KCTD16: variants seen among roughly 807,000 people sequenced by gnomAD.
KCTD16 encodes BTB/POZ domain-containing protein KCTD16.
KCTD16 carries 13 observed loss-of-function variants against 33.2 expected under a neutral mutation model. The observed-to-expected ratio is 0.39, with a 90% CI of 0.25 to 0.62. KCTD16 has a LOEUF of 0.62. Ranked by LOEUF, KCTD16 falls within the 20% of genes least tolerant of loss-of-function variation. The pLI, the probability that KCTD16 is intolerant of heterozygous loss-of-function variation, is 0.50. For synonymous variants in KCTD16, 197 were observed against 195.3 expected (o/e 1.01, Z -0.07); for missense variants, 441 against 525.1 (o/e 0.84, Z 1.57).
chr5:144,247,425 C>T (rs1246457797), intron 3 of KCTD16, among the ~76,000 whole-genome samples: 1 of 152,154 alleles, frequency 6.6e-6, no homozygotes, highest in African/African-American at 2.4e-5. Context: ...GCATTAGCTG[C>T]CAGTTGTGTG....
At chr5:144,188,807 C>A (rs1399107961) in intron 2 of KCTD16, among the ~76,000 whole-genome samples, 1 of 152,128 alleles carries the variant, frequency 6.6e-6, no homozygotes, top group Non-Finnish European at 1.5e-5. Flanking sequence ...TATTCCTAAT[C>A]AAATACTCAC....
chr5:144,420,310 G>A (rs1022652618), intron 3 of KCTD16, among the ~76,000 whole-genome samples: 2 of 152,048 alleles, frequency 1.3e-5, no homozygotes, highest in Non-Finnish European at 2.9e-5. Context: ...GAGGAAAGAG[G>A]CAGATTATGG....
intron 3 of KCTD16, among the ~76,000 whole-genome samples, chr5:144,410,949 C>G (rs1161634761): frequency 6.6e-6 from 1 of 151,954 alleles, no homozygotes; most frequent in Non-Finnish European, 1.5e-5. Flanking sequence ...CCCCAAGTAC[C>G]TTAGAATGTG....
At chr5:144,328,367 G>A (rs1483009134) in intron 3 of KCTD16, among the ~76,000 whole-genome samples, 1 of 152,056 alleles carries the variant, frequency 6.6e-6, no homozygotes, top group Non-Finnish European at 1.5e-5. Context: ...TTTAGAGGCC[G>A]AGGAAGAGGA....
intron 3 of KCTD16, among the ~76,000 whole-genome samples, chr5:144,282,364 A>AT (rs146636203): frequency 0.01 from 1,547 of 149,338 alleles, 21 homozygotes; most frequent in African/African-American, 0.034. Flanking sequence ...TGCCTTATCC[A>AT]TTTTTTTTTT....
intron 3 of KCTD16, among the ~76,000 whole-genome samples, chr5:144,270,627 A>G (rs1171994452): frequency 1.4e-5 from 2 of 141,744 alleles, no homozygotes; most frequent in African/African-American, 5.1e-5. Flanking sequence ...CAAGTAAAAG[A>G]ACTAAAAAAA....
intron 3 of KCTD16, among the ~76,000 whole-genome samples, chr5:144,215,346 A>G (rs115754002): frequency 6.6e-6 from 1 of 152,332 alleles, no homozygotes; most frequent in Non-Finnish European, 1.5e-5. Context: ...AATATCCCCA[A>G]TAGAAAAAGA....
At chr5:144,461,760 C>T (rs939867223) in intron 3 of KCTD16, among the ~76,000 whole-genome samples, 3 of 152,194 alleles carry the variant, frequency 2.0e-5, no homozygotes, top group South Asian at 2.1e-4. Flanking sequence ...TTTAGCCACC[C>T]GTGAACTACT....
At chr5:144,348,302 G>C (rs146135297) in intron 3 of KCTD16, among the ~76,000 whole-genome samples, 127 of 151,816 alleles carry the variant, frequency 8.4e-4, no homozygotes, top group African/African-American at 2.6e-3. Context: ...TTGAGATATG[G>C]CTGGCCTTAT....
intron 3 of KCTD16, among the ~76,000 whole-genome samples, chr5:144,460,136 A>G (rs1199557543): frequency 6.6e-6 from 1 of 151,778 alleles, no homozygotes; most frequent in African/African-American, 2.4e-5. Context: ...CCGGCCTCCA[A>G]TCTTATCTTC....
At chr5:144,368,988 A>G (rs1314477586) in intron 3 of KCTD16, among the ~76,000 whole-genome samples, 3 of 152,186 alleles carry the variant, frequency 2.0e-5, no homozygotes, top group African/African-American at 7.2e-5. Flanking sequence ...TAAGGTGTCA[A>G]ATTTTGGCCA....
intron 3 of KCTD16, among the ~76,000 whole-genome samples, chr5:144,445,459 C>G (rs894933423): frequency 6.6e-6 from 1 of 152,018 alleles, no homozygotes; most frequent in Admixed American, 6.6e-5. Context: ...GCTCACTTTT[C>G]TCTTTTCCTT....
chr5:144,410,887 A>G (rs559781510), intron 3 of KCTD16, among the ~76,000 whole-genome samples: 2 of 152,286 alleles, frequency 1.3e-5, no homozygotes, highest in East Asian at 1.9e-4. Flanking sequence ...TAAGCTGAGT[A>G]TTTGGGGGCT....
At chr5:144,350,771 C>CT (rs561403198) in intron 3 of KCTD16, among the ~76,000 whole-genome samples, 65 of 144,972 alleles carry the variant, frequency 4.5e-4, no homozygotes, top group East Asian at 2.4e-3. Context: ...TTGGTGGTTT[C>CT]TTTTTTTTTT....
intron 3 of KCTD16, among the ~76,000 whole-genome samples, chr5:144,327,133 G>C (rs1401323843): frequency 6.6e-6 from 1 of 152,102 alleles, no homozygotes; most frequent in East Asian, 1.9e-4. Context: ...CTAGGTGCAG[G>C]TATGACAGTA....
chr5:144,428,658 C>T (rs996041929), intron 3 of KCTD16, among the ~76,000 whole-genome samples: 1 of 152,100 alleles, frequency 6.6e-6, no homozygotes, highest in Non-Finnish European at 1.5e-5. Context: ...GTTTTCAAGC[C>T]CTACTACTAC....
In KCTD16 at chr5:144,479,252, T is replaced by C. The variant is rs1561624342; in HGVS notation, c.*5138T>C. The C allele has an allele frequency of 6.6e-6, 1 of 151,176 alleles. No homozygotes were observed. The highest frequency in any genetic ancestry group is 1.5e-5 in the Non-Finnish European group (1 of 67,824). 9.4% of individuals were successfully genotyped at this position (151,176 alleles called of 1,614,324 possible). A position where few individuals can be genotyped will look rare whatever the true frequency, so the allele number is the denominator to read the frequency against. On this transcript the variant is annotated 3_prime_UTR_variant, in exon 4 of 4. Coordinates refer to ENST00000512467, the MANE Select transcript of KCTD16 (RefSeq NM_020768.4). ...ATCAAATCCTGCGCCATTGAACTGC[T>C]AAATTTGTCCAATTTGACTCAATCA...
chr5:144,306,195 G>A (rs753355871), intron 3 of KCTD16, among the ~76,000 whole-genome samples: 7 of 152,328 alleles, frequency 4.6e-5, no homozygotes, highest in African/African-American at 7.2e-5. Flanking sequence ...GTATTGTACC[G>A]TTCTAGGGCT....
At chr5:144,361,997 C>A (rs1195262490) in intron 3 of KCTD16, among the ~76,000 whole-genome samples, 1 of 149,320 alleles carries the variant, frequency 6.7e-6, no homozygotes, top group East Asian at 2.0e-4. Context: ...AACATTTCTC[C>A]AAATCCAGGA....
Sources: allele counts gnomAD v4.1 joint callset (sites outside exome capture counted in the v4.1 genomes callset), GRCh38; gene constraint gnomAD v4.1.1; transcripts MANE v1.5; gene names NCBI Gene and HGNC (gene_info 2026-07-23, HGNC 2026-07-21).